Variants in MEX3D observed in about 807,000 individuals in gnomAD.
The protein encoded by MEX3D is mex-3 RNA binding family member D, also known as RNA-binding protein MEX3D.
A neutral mutation model predicts 6.3 loss-of-function variants in MEX3D; 4 were observed. The ratio of observed to expected loss-of-function variants is 0.64; its 90% CI spans 0.31 to 1.46. The LOEUF (loss-of-function observed/expected upper bound fraction) is 1.46, where lower values mean the gene tolerates loss of function less well. Among genes scored for constraint, MEX3D ranks in the 40% most tolerant of loss-of-function variants. MEX3D has a pLI of 0.07. For synonymous variants in MEX3D, 626 were observed against 494.1 expected (o/e 1.27, Z -3.54); for missense variants, 1,038 against 994.4 (o/e 1.04, Z -0.59).
At position 1,556,035 on chromosome 19, in the gene MEX3D, G is replaced by T; in HGVS notation, c.1484C>A (p.Pro495Gln). The T allele has an allele frequency of 7.7e-7, 1 of 1,302,848 alleles. No individual in the cohort carries two copies. The highest frequency in any genetic ancestry group is 9.8e-7 in the Non-Finnish European group (1 of 1,024,324). The allele number at this position is 1,302,848 out of a possible 1,614,324, so 80.7% of individuals were successfully genotyped here. A position where few individuals can be genotyped will look rare whatever the true frequency, so the allele number is the denominator to read the frequency against. Residue 495 changes from proline to glutamine, a missense_variant, in exon 2 of 2, where the codon CCG (proline) becomes CAG (glutamine). By Grantham distance (76) the Pro-to-Gln change is moderately conservative. This residue lies in a region of MEX3D where 581 missense variants were observed against 516.2 expected (regional missense o/e 1.13). Transcript: ENST00000402693. The surrounding 1 kb of genome is among the most constrained non-coding windows in gnomAD (Gnocchi z 7.5). ...FSGCSTVNGA[P>Q]GPPAAGARRS... ...CCGGGCGCCGGCGGCGGGAGGTCCC[G>T]GGGCTCCGTTGACCGTGGAGCAGCC...
Position 1,555,563 on chromosome 19 carries a change from C to G in MEX3D, c.1956G>C (p.Ter652TyrextTer95). 6.3e-7 allele frequency: 1 copy of G among 1,576,958 alleles called. No individual in the cohort carries two copies. Among genetic ancestry groups the G allele is most frequent in the South Asian group, 1.2e-5 (1 of 86,102 alleles). Reference sequence around the variant, plus strand: ...CCCCGGCCACGTGGTGGTCCGCGCTCTAGGAAAAGATATGAATGGCCTGGG... The same window carrying G: ...CCCCGGCCACGTGGTGGTCCGCGCTGTAGGAAAAGATATGAATGGCCTGGG... ...PATQAIHIFS[*>Y] is the part of the protein sequence containing the mutation. Residue 652 changes from the stop codon to tyrosine (Y), a stop_lost, in exon 2 of 2, where the codon TAG becomes TAC. Transcript: ENST00000402693.
chr19:1,564,781 G>A (rs1445151128), intron 1 of MEX3D, among the ~76,000 whole-genome samples: 1 of 152,116 alleles, frequency 6.6e-6, no homozygotes, highest in African/African-American at 2.4e-5. Context: ...CAGGGAAGGG[G>A]TAACCTTGGA....
rs563762032 is a variant in MEX3D at position 1,555,470 on chromosome 19, C to T, written c.*93G>A. 3.1e-5 allele frequency: 46 copies of T among 1,495,116 alleles called. No individual in the cohort carries two copies. The highest frequency in any genetic ancestry group is 4.1e-5 in the Non-Finnish European group (46 of 1,113,646). 92.6% of individuals were successfully genotyped at this position (1,495,116 alleles called of 1,614,324 possible). On this transcript the variant is annotated 3_prime_UTR_variant, in exon 2 of 2. Transcript: ENST00000402693. ...CCCCTCGGCCTCCGCCCCTCGCCCC[C>T]TCCCCGTCCCTCTCCCACCCCGGGT... is the stretch of plus-strand genomic sequence containing the variant.
At chr19:1,558,741 C>CG (rs1457742118) in intron 1 of MEX3D, among the ~76,000 whole-genome samples, 1 of 152,232 alleles carries the variant, frequency 6.6e-6, no homozygotes, top group Non-Finnish European at 1.5e-5. Flanking sequence ...GCCGAGGTCT[C>CG]GGCCCGACTG....
At position 1,559,298 on chromosome 19, in the gene MEX3D, A is replaced by T. The variant is rs1421562357; in HGVS notation, c.596-2375T>A. Among the ~76,000 whole-genome samples the T allele has an allele frequency of 6.6e-5, 10 of 151,804 alleles. No homozygotes were observed. In the East Asian group the frequency reaches 1.9e-3, roughly 29 times the overall value. ...AGGCGCCCACCACCACACCCAGCTA[A>T]TTTTTTTTATTTTTAGTACAGATGG... On this transcript the variant is annotated intron_variant, in intron 1 of 1. Transcript: ENST00000402693.
In MEX3D at chr19:1,556,203, G is replaced by T; in HGVS notation, c.1316C>A (p.Pro439His). Reference sequence around the variant, plus strand: ...GGCGGCCGTCCCCACCGGGGCACCGGGACCCTCCGCGCCGAAGGCGAAGCC... The same window carrying T: ...GGCGGCCGTCCCCACCGGGGCACCGTGACCCTCCGCGCCGAAGGCGAAGCC... ...NGGFAFGAEG[P>H]GAPVGTAAPD... Residue 439 changes from proline (P) to histidine (H), a missense_variant, in exon 2 of 2, where the codon CCC becomes CAC. Pro to His is a moderately conservative substitution (Grantham distance 77, BLOSUM62 -2). Around this residue, in one of 5 missense-constraint regions of MEX3D, gnomAD observed 581 missense variants for 516.2 expected, o/e 1.13. Transcript: ENST00000402693. This position sits in a 1 kb window ranked among gnomAD's most constrained non-coding sequence, Gnocchi z 7.5. The T allele has an allele frequency of 6.9e-7, 1 of 1,443,310 alleles. No homozygotes were observed. 89.4% of individuals were successfully genotyped at this position (1,443,310 alleles called of 1,614,324 possible).
chr19:1,557,665 C>T (rs1198973561), intron 1 of MEX3D, among the ~76,000 whole-genome samples: 1 of 150,512 alleles, frequency 6.6e-6, no homozygotes, highest in South Asian at 2.1e-4. Context: ...TCAAGACCAG[C>T]CTGGCCAACA....
chr19:1,559,626 T>C (rs954324316), intron 1 of MEX3D, among the ~76,000 whole-genome samples: 1 of 152,176 alleles, frequency 6.6e-6, no homozygotes, highest in African/African-American at 2.4e-5. Context: ...CAGAGGGAGC[T>C]GCAGGGATGT....
chr19:1,557,858 C>CAA (rs550036323), intron 1 of MEX3D, among the ~76,000 whole-genome samples: 69 of 4,006 alleles, frequency 0.017, 29 homozygotes, highest in Non-Finnish European at 0.037. Context: ...GAGACTGTCT[C>CAA]AAAAAAAAAA....
At position 1,555,493 on chromosome 19, in the gene MEX3D, G is replaced by A. The variant is rs1014021696; in HGVS notation, c.*70C>T. 3.0e-5 allele frequency: 39 copies of A among 1,290,098 alleles called. No homozygotes were observed. The highest frequency in any genetic ancestry group is 2.2e-4 in the African/African-American group (13 of 59,262). 79.9% of individuals were successfully genotyped at this position (1,290,098 alleles called of 1,614,324 possible). A position where few individuals can be genotyped will look rare whatever the true frequency, so the allele number is the denominator to read the frequency against. ...CCCTCCCCGTCCCTCTCCCACCCCG[G>A]GTCCCGCCCCGTCTCCCGCGCCCAC... is the stretch of plus-strand genomic sequence containing the variant. On this transcript the variant is annotated 3_prime_UTR_variant, in exon 2 of 2. Transcript: ENST00000402693.
At position 1,556,358 on chromosome 19, in the gene MEX3D, C is replaced by A. The variant is rs754188319; in HGVS notation, c.1161G>T (p.Thr387=). 3 of 1,457,756 alleles carry A rather than the reference C, an allele frequency of 2.1e-6. No individual in the cohort carries two copies. The highest frequency in any genetic ancestry group is 5.3e-5 in the East Asian group (2 of 37,558). 90.3% of individuals were successfully genotyped at this position (1,457,756 alleles called of 1,614,324 possible). A position where few individuals can be genotyped will look rare whatever the true frequency, so the allele number is the denominator to read the frequency against. The change falls in exon 2 of 2, where the codon ACG becomes ACT. Residue 387 remains threonine, a synonymous_variant. Transcript: ENST00000402693. The surrounding 1 kb of genome is among the most constrained non-coding windows in gnomAD (Gnocchi z 7.5). ...PNQGRRPPTA[T]AGLRGDTALG... is the part of the protein sequence containing the mutation. ...GGGCCGTGTCCCCGCGGAGGCCGGCCGTGGCCGTGGGGGGCCGTCGTCCCT... is the reference window on the plus strand; with the variant it reads ...GGGCCGTGTCCCCGCGGAGGCCGGCAGTGGCCGTGGGGGGCCGTCGTCCCT...
At chr19:1,557,676 T>C (rs1363101341) in intron 1 of MEX3D, among the ~76,000 whole-genome samples, 1 of 147,744 alleles carries the variant, frequency 6.8e-6, no homozygotes, top group Non-Finnish European at 1.5e-5. Flanking sequence ...CTGGCCAACA[T>C]GGTGAAACCC....
In MEX3D at chr19:1,554,913, T is replaced by TAA. The variant is rs60636488; in HGVS notation, c.*648_*649dup. 2,358 of 141,010 alleles carry TAA rather than the reference T, an allele frequency of 0.017. 23 individuals are homozygous for TAA. The highest frequency in any genetic ancestry group is 0.023 in the African/African-American group (899 of 38,294). 8.7% of individuals were successfully genotyped at this position (141,010 alleles called of 1,614,324 possible). A position where few individuals can be genotyped will look rare whatever the true frequency, so the allele number is the denominator to read the frequency against. On this transcript the variant is annotated 3_prime_UTR_variant, in exon 2 of 2. Coordinates refer to ENST00000402693, the MANE Select transcript of MEX3D (RefSeq NM_203304.4). ...ATACACAAGAGGTAAAAAGTAAAAGTAAAAAAAAAAAAAAATTAAAAAAAT... is the reference window on the plus strand; with the variant it reads ...ATACACAAGAGGTAAAAAGTAAAAGTAAAAAAAAAAAAAAAAATTAAAAAAAT...
At chr19:1,559,571 A>C (rs1261304575) in intron 1 of MEX3D, among the ~76,000 whole-genome samples, 1 of 152,224 alleles carries the variant, frequency 6.6e-6, no homozygotes, top group East Asian at 1.9e-4. Flanking sequence ...CGGCCCGTGA[A>C]GGAGTTTTGA....
rs1399742883 is a variant in MEX3D at position 1,554,917 on chromosome 19, A to AC, written c.*645_*646insG. ...ACAAGAGGTAAAAAGTAAAAGTAAA[A>AC]AAAAAAAAAAATTAAAAAAATTTTA... is the stretch of plus-strand genomic sequence containing the variant. On this transcript the variant is annotated 3_prime_UTR_variant, in exon 2 of 2. Transcript: ENST00000402693. 6.6e-6 allele frequency: 1 copy of AC among 150,660 alleles called. No homozygotes were observed. Among genetic ancestry groups the AC allele is most frequent in the Non-Finnish European group, 1.5e-5 (1 of 67,720 alleles). 9.3% of individuals were successfully genotyped at this position (150,660 alleles called of 1,614,324 possible).
chr19:1,567,604 G>T lies in MEX3D; in HGVS notation c.455C>A (p.Pro152His). ...SPPDVFAGFA[P>H]HPAALGPPTL... ...CGGGGGCCCCAGGGCCGCGGGGTGG[G>T]GCGCGAAGCCCGCGAACACGTCGGG... is the stretch of plus-strand genomic sequence containing the variant. Residue 152 changes from proline (P) to histidine (H), a missense_variant, in exon 1 of 2, where the codon CCC (proline) becomes CAC (histidine). By Grantham distance (77) the Pro-to-His change is moderately conservative. Coordinates refer to ENST00000402693, the MANE Select transcript of MEX3D (RefSeq NM_203304.4). This position sits in a 1 kb window ranked among gnomAD's most constrained non-coding sequence, Gnocchi z 6.5. 7.0e-7 allele frequency: 1 copy of T among 1,429,562 alleles called. No homozygotes were observed. The highest frequency in any genetic ancestry group is 9.2e-7 in the Non-Finnish European group (1 of 1,087,574). 88.6% of individuals were successfully genotyped at this position (1,429,562 alleles called of 1,614,324 possible). A position where few individuals can be genotyped will look rare whatever the true frequency, so the allele number is the denominator to read the frequency against.
At chr19:1,562,140 A>G (rs1914734077) in intron 1 of MEX3D, among the ~76,000 whole-genome samples, 3 of 151,908 alleles carry the variant, frequency 2.0e-5, no homozygotes, top group Admixed American at 2.0e-4. Context: ...GGGCGCCTGT[A>G]GTCCCAGCTA....
intron 1 of MEX3D, among the ~76,000 whole-genome samples, chr19:1,566,387 G>A (rs1201361579): frequency 6.6e-6 from 1 of 152,190 alleles, no homozygotes; most frequent in African/African-American, 2.4e-5. Context: ...TCCCCCGCCT[G>A]AGGCCAGGGC....
Position 1,555,718 on chromosome 19 carries a change from C to T in MEX3D, c.1801G>A (p.Val601Met), listed in dbSNP as rs1914515269. Reference protein sequence around the residue: ...SSAPALARECVVCAEGEVMAA... With the variant: ...SSAPALARECMVCAEGEVMAA... The stretch of plus-strand genomic sequence containing the variant: ...ATCACCTCGCCCTCGGCGCACACCA[C>T]GCACTCTCGCGCCAGGGCCGGGGCC... The change falls in exon 2 of 2, where the codon GTG becomes ATG. Residue 601 changes from valine to methionine, a missense_variant. Transcript: ENST00000402693. 4 of 1,536,440 alleles carry T rather than the reference C, an allele frequency of 2.6e-6. No homozygotes were observed. Among genetic ancestry groups the T allele is most frequent in the Non-Finnish European group, 3.5e-6 (4 of 1,147,584 alleles).
Sources: allele counts gnomAD v4.1 joint callset (sites outside exome capture counted in the v4.1 genomes callset), GRCh38; gene constraint gnomAD v4.1.1; regional missense constraint gnomAD v4.1.1; non-coding constraint Gnocchi (gnomAD v3.1); transcripts MANE v1.5; gene names NCBI Gene and HGNC (gene_info 2026-07-23, HGNC 2026-07-21).